MTMR7: variants seen among roughly 807,000 people sequenced by gnomAD.
The protein encoded by MTMR7 is myotubularin related protein 7.
A neutral mutation model predicts 81.2 loss-of-function variants in MTMR7; 76 were observed. The observed-to-expected ratio is 0.94, with a 90% CI of 0.78 to 1.13. The LOEUF is 1.13. Ranked by LOEUF, MTMR7 falls within the 50% of genes most tolerant of loss-of-function variation. MTMR7 has a pLI of 0.00. For synonymous variants in MTMR7, 372 were observed against 289.8 expected, an observed-to-expected ratio of 1.28 and a Z score of -2.88; for missense variants, 1,044 against 820.0, an observed-to-expected ratio of 1.27 and a Z score of -3.34.
chr8:17,305,717 T>G, intron 11 of MTMR7, 40 bp downstream of exon 11: 1 of 1,534,372 alleles, frequency 6.5e-7, no homozygotes, highest in Non-Finnish European at 8.9e-7. Context: ...ATCAAAATCT[T>G]TAAATAAAAG....
chr8:17,315,062 A>G (rs1211515612), intron 7 of MTMR7, among the ~76,000 whole-genome samples: 1 of 152,234 alleles, frequency 6.6e-6, no homozygotes, highest in African/African-American at 2.4e-5. Flanking sequence ...GTGGGCTGAG[A>G]GTTCCCAAGC....
chr8:17,302,989 G>A (rs1032272062), intron 12 of MTMR7, among the ~76,000 whole-genome samples: 1 of 151,970 alleles, frequency 6.6e-6, no homozygotes, highest in East Asian at 1.9e-4. Context: ...GGGATTATAG[G>A]CGGGAGCCAC....
intron 1 of MTMR7, among the ~76,000 whole-genome samples, chr8:17,390,270 A>T (rs1821068776): frequency 6.7e-6 from 1 of 150,210 alleles, no homozygotes; most frequent in Non-Finnish European, 1.5e-5. Flanking sequence ...GCAAAGGGGG[A>T]GTGAAGCTTC....
At chr8:17,398,793 A>C (rs1266354147) in intron 1 of MTMR7, among the ~76,000 whole-genome samples, 1 of 151,582 alleles carries the variant, frequency 6.6e-6, no homozygotes, top group African/African-American at 2.4e-5. Context: ...AGACATCAAG[A>C]GATGCAACAA....
intron 1 of MTMR7, among the ~76,000 whole-genome samples, chr8:17,377,445 G>C (rs553288622): frequency 1.3e-5 from 2 of 151,730 alleles, no homozygotes; most frequent in Non-Finnish European, 2.9e-5. Context: ...TTACCTCTTT[G>C]TGATTAGACA....
chr8:17,342,386 A>G (rs1457546043), intron 5 of MTMR7, among the ~76,000 whole-genome samples: 1 of 152,262 alleles, frequency 6.6e-6, no homozygotes, highest in Non-Finnish European at 1.5e-5. Context: ...AGGCAGTGAC[A>G]GAACCCCTCC....
chr8:17,304,167 C>T (rs1054015955), intron 12 of MTMR7, among the ~76,000 whole-genome samples: 2 of 152,094 alleles, frequency 1.3e-5, no homozygotes, highest in African/African-American at 4.8e-5. Flanking sequence ...AACATCACCT[C>T]CTGAAGAAAA....
chr8:17,298,222 G>A lies in MTMR7; in HGVS notation c.*1640C>T, dbSNP rs1267183383. The A allele has an allele frequency of 6.6e-6, 1 of 151,920 alleles. No individual in the cohort carries two copies. Among genetic ancestry groups the A allele is most frequent in the Non-Finnish European group, 1.5e-5 (1 of 67,898 alleles). 9.4% of individuals were successfully genotyped at this position (151,920 alleles called of 1,614,324 possible). Reference sequence around the variant, plus strand: ...CCACTATATCCTAAGTTTTATTTTAGCAAGGTATTCCCTATTACATATAGT... The same window carrying A: ...CCACTATATCCTAAGTTTTATTTTAACAAGGTATTCCCTATTACATATAGT... On this transcript the variant is annotated 3_prime_UTR_variant, in exon 14 of 14. Transcript: ENST00000180173.
intron 10 of MTMR7, among the ~76,000 whole-genome samples, chr8:17,308,324 A>G (rs552356975): frequency 6.6e-6 from 1 of 152,218 alleles, no homozygotes; most frequent in Admixed American, 6.5e-5. Context: ...TAGAACCCCA[A>G]ACTGAAAATA....
intron 2 of MTMR7, among the ~76,000 whole-genome samples, chr8:17,372,510 C>G (rs962715640): frequency 6.6e-6 from 1 of 152,104 alleles, no homozygotes; most frequent in South Asian, 2.1e-4. Flanking sequence ...ATCACTTGAA[C>G]CCAGGAGGCA....
intron 1 of MTMR7, among the ~76,000 whole-genome samples, chr8:17,412,592 G>C (rs1218610936): frequency 1.3e-5 from 2 of 152,314 alleles, no homozygotes; most frequent in East Asian, 3.9e-4. Context: ...ATTTGCTTTT[G>C]TTAATTAGCA....
At chr8:17,369,945 G>A (rs1310553107) in intron 3 of MTMR7, among the ~76,000 whole-genome samples, 2 of 151,786 alleles carry the variant, frequency 1.3e-5, no homozygotes, top group South Asian at 2.1e-4. Context: ...GCGTCAGGCC[G>A]AGTATATTTC....
At chr8:17,302,092 T>C in intron 13 of MTMR7, 62 bp downstream of exon 13, 2 of 1,602,834 alleles carry the variant, frequency 1.2e-6, no homozygotes, top group African/African-American at 1.3e-5. Flanking sequence ...GAGGCTTTCA[T>C]GAAGCCTTGC....
At chr8:17,306,049 G>T in intron 10 of MTMR7, 92 bp from the exon 11 acceptor site, 2 of 954,372 alleles carry the variant, frequency 2.1e-6, no homozygotes, top group Non-Finnish European at 3.1e-6. Context: ...AGCAACCCTA[G>T]TTCCTAAATA....
chr8:17,350,971 T>C (rs911251186), intron 4 of MTMR7, among the ~76,000 whole-genome samples: 1 of 152,192 alleles, frequency 6.6e-6, no homozygotes, highest in African/African-American at 2.4e-5. Context: ...CAGAGAGCTT[T>C]AGCTGGGAAG....
intron 1 of MTMR7, among the ~76,000 whole-genome samples, chr8:17,378,600 C>G (rs1268088731): frequency 6.6e-6 from 1 of 152,190 alleles, no homozygotes; most frequent in East Asian, 1.9e-4. Flanking sequence ...TGTTGCAACT[C>G]ATTTGCCTGC....
At chr8:17,303,952 G>A (rs539237222) in intron 12 of MTMR7, among the ~76,000 whole-genome samples, 11 of 152,248 alleles carry the variant, frequency 7.2e-5, no homozygotes, top group Admixed American at 1.3e-4. Flanking sequence ...AACCTATTAC[G>A]TTGGTGCAAA....
Position 17,382,201 on chromosome 8 carries a change from T to C in MTMR7, c.25-8961A>G, listed in dbSNP as rs1372668509. ...GCAGCAATGATGCTCTAACAGCCTC[T>C]GAAGCTGGCCCAGAGGCTGCACTGA... On this transcript the variant is annotated intron_variant, in intron 1 of 13. Coordinates refer to ENST00000180173, the MANE Select transcript of MTMR7 (RefSeq NM_004686.5). 2.6e-5 allele frequency among the ~76,000 whole-genome samples: 4 copies of C among 152,230 alleles called. No homozygotes were observed. In the East Asian group the frequency reaches 7.7e-4, roughly 29 times the overall value.
intron 1 of MTMR7, among the ~76,000 whole-genome samples, chr8:17,382,752 C>T (rs1195326135): frequency 6.6e-6 from 1 of 152,110 alleles, no homozygotes; most frequent in Non-Finnish European, 1.5e-5. Context: ...GCTAAAAATT[C>T]AGACAGAGTC....
Sources: gnomAD v4.1 joint callset for allele counts (sites outside exome capture counted in the v4.1 genomes callset) on GRCh38, gnomAD v4.1.1 for gene constraint, MANE v1.5 for transcripts, NCBI Gene and HGNC (gene_info 2026-07-23, HGNC 2026-07-21) for gene names.